The following SP140L variants were observed in gnomAD, a reference collection of about 807,000 sequenced individuals.
The protein encoded by SP140L is nuclear body protein SP140-like protein.
A neutral mutation model predicts 84.3 loss-of-function variants in SP140L; 64 were observed. The ratio of observed to expected loss-of-function variants is 0.76; its 90% CI spans 0.62 to 0.94. The LOEUF is 0.94. SP140L is among the 40% of genes least tolerant of loss of function. The pLI is 0.00. For synonymous variants in SP140L, 242 were observed against 236.9 expected (o/e 1.02, Z -0.20); for missense variants, 628 against 692.5 (o/e 0.91, Z 1.05).
chr2:230,399,325 G>A (rs12472467), intron 14 of SP140L, among the ~76,000 whole-genome samples: 24,909 of 152,172 alleles, frequency 0.16, 2,238 homozygotes, highest in South Asian at 0.36. Context: ...TGAGACTTGT[G>A]AGAAATGGAG....
chr2:230,388,557 A>C lies in SP140L; in HGVS notation c.785-2A>C. On this transcript the variant is annotated splice_acceptor_variant, in intron 9 of 18. Transcript: ENST00000415673. LOFTEE classifies it high-confidence loss of function. ...TGTGATTTTATTATTCTACTTTCTC[A>C]GGGAGAAAGAGAGGCAAACCTGGAA... 1 of 1,603,300 alleles carries C rather than the reference A, an allele frequency of 6.2e-7. No individual in the cohort carries two copies. Among genetic ancestry groups the C allele is most frequent in the Non-Finnish European group, 8.5e-7 (1 of 1,175,822 alleles).
chr2:230,342,198 G>C (rs754182036), intron 2 of SP140L: 1 of 161,666 alleles, frequency 6.2e-6, no homozygotes, highest in Admixed American at 6.5e-5. Context: ...CTCGTGGTGC[G>C]CCGTTTTTTA....
At chr2:230,332,555 T>C (rs145770465) in intron 2 of SP140L, among the ~76,000 whole-genome samples, 85 of 152,374 alleles carry the variant, frequency 5.6e-4, no homozygotes, top group African/African-American at 2.0e-3. Flanking sequence ...GGTTCATCAG[T>C]AATCAGTGTT....
At position 230,359,041 on chromosome 2, in the gene SP140L, ATTTAAC is replaced by A; in HGVS notation, c.349_354del (p.Phe117_Asn118del). On this transcript the variant is annotated inframe_deletion, in exon 4 of 19. Transcript: ENST00000415673. ...ATGTTCTCAGTGAACTGGAGAAGAC[ATTTAAC>A]CTGTCAGTTTTGGAAGCACTGTTCA... 1 of 1,613,908 alleles carries A rather than the reference ATTTAAC, an allele frequency of 6.2e-7. No homozygotes were observed. Among genetic ancestry groups the A allele is most frequent in the South Asian group, 1.1e-5 (1 of 91,064 alleles).
chr2:230,400,784 A>G, intron 15 of SP140L, 171 bp from the exon 16 acceptor site: 2 of 1,469,626 alleles, frequency 1.4e-6, no homozygotes, highest in Non-Finnish European at 1.9e-6. Context: ...TGCGAGGGAA[A>G]GGCCAGTGGC....
intron 5 of SP140L, among the ~76,000 whole-genome samples, chr2:230,370,343 T>C (rs1575493994): frequency 6.6e-6 from 1 of 151,668 alleles, no homozygotes; most frequent in Admixed American, 6.6e-5. Context: ...TGTCTAGAGG[T>C]CACCCGAGGA....
chr2:230,387,693 T>G (rs537283495), intron 9 of SP140L, among the ~76,000 whole-genome samples: 1 of 152,210 alleles, frequency 6.6e-6, no homozygotes, highest in East Asian at 1.9e-4. Flanking sequence ...CTTTGGAAAA[T>G]AAAACACATT....
chr2:230,333,501 G>A (rs2059783455), intron 2 of SP140L, among the ~76,000 whole-genome samples: 1 of 151,972 alleles, frequency 6.6e-6, no homozygotes, highest in Non-Finnish European at 1.5e-5. Context: ...CACCTGTTTT[G>A]CCTCTCTGAA....
At chr2:230,394,434 C>G (rs571011381) in intron 13 of SP140L, among the ~76,000 whole-genome samples, 16 of 152,226 alleles carry the variant, frequency 1.1e-4, no homozygotes, top group Non-Finnish European at 2.1e-4. Context: ...CACTGGGAAC[C>G]TGAGATCCAG....
At chr2:230,402,031 CCCCCACCTG>C (rs2062365430) in intron 18 of SP140L, among the ~76,000 whole-genome samples, 1 of 152,232 alleles carries the variant, frequency 6.6e-6, no homozygotes, top group African/African-American at 2.4e-5. Context: ...GAGAGCTCCT[CCCCCACCTG>C]CCCCAGAGGA....
intron 2 of SP140L, among the ~76,000 whole-genome samples, chr2:230,333,904 T>C (rs542382716): frequency 4.6e-5 from 7 of 152,322 alleles, no homozygotes; most frequent in African/African-American, 1.7e-4. Context: ...AAGTTGTTTC[T>C]CGTTTATAGC....
chr2:230,359,080 C>A lies in SP140L; in HGVS notation c.387C>A (p.Val129=), dbSNP rs748158594. ...TTTTGGAAGCACTGTTCAGCGAGGTCAACATGCAGGAATACCCCGATTTAA... is the reference window on the plus strand; with the variant it reads ...TTTTGGAAGCACTGTTCAGCGAGGTAAACATGCAGGAATACCCCGATTTAA... ...LSVLEALFSE[V]NMQEYPDLIH... The change falls in exon 4 of 19, where the codon GTC becomes GTA. Residue 129 remains valine, a synonymous_variant. Coordinates refer to ENST00000415673, the MANE Select transcript of SP140L (RefSeq NM_138402.6). 1.9e-6 allele frequency: 3 copies of A among 1,612,678 alleles called. No homozygotes were observed. Among genetic ancestry groups the A allele is most frequent in the South Asian group, 2.2e-5 (2 of 90,796 alleles).
chr2:230,392,935 A>T (rs547743966), intron 12 of SP140L, among the ~76,000 whole-genome samples: 28 of 152,294 alleles, frequency 1.8e-4, no homozygotes, highest in African/African-American at 6.5e-4. Flanking sequence ...CTGAGCCCCT[A>T]CTAATGCCCT....
At chr2:230,365,958 C>G (rs894749884) in intron 5 of SP140L, among the ~76,000 whole-genome samples, 1 of 152,022 alleles carries the variant, frequency 6.6e-6, no homozygotes, top group South Asian at 2.1e-4. Context: ...TTATTGATTT[C>G]TACTTTTATA....
chr2:230,389,723 T>G (rs725201), intron 10 of SP140L, among the ~76,000 whole-genome samples, 196 bp from the exon 11 acceptor site: 65,225 of 152,060 alleles, frequency 0.43, 14,180 homozygotes, highest in Middle Eastern at 0.49. Context: ...TCTGTGAAAT[T>G]TGAAAGGTGA....
At chr2:230,369,214 G>A (rs2060977745) in intron 5 of SP140L, among the ~76,000 whole-genome samples, 1 of 152,230 alleles carries the variant, frequency 6.6e-6, no homozygotes, top group African/African-American at 2.4e-5. Flanking sequence ...GGTCTATGCT[G>A]GGGCAGGCCT....
At chr2:230,380,883 G>A (rs2061382107) in intron 7 of SP140L, among the ~76,000 whole-genome samples, 1 of 152,048 alleles carries the variant, frequency 6.6e-6, no homozygotes. Flanking sequence ...CCTGATGAAC[G>A]TCACCTCAAG....
chr2:230,358,934 T>C, intron 3 of SP140L, 30 bp from the exon 4 acceptor site: 1 of 1,536,652 alleles, frequency 6.5e-7, no homozygotes, highest in Non-Finnish European at 8.7e-7. Context: ...AAGTCTGTAT[T>C]TGTATTTTCT....
chr2:230,350,607 A>G (rs2060335481), intron 2 of SP140L, among the ~76,000 whole-genome samples: 1 of 152,244 alleles, frequency 6.6e-6, no homozygotes, highest in Non-Finnish European at 1.5e-5. Flanking sequence ...CCCTTATGGC[A>G]TACATATTTT....
Sources: gnomAD v4.1 joint callset for allele counts (sites outside exome capture counted in the v4.1 genomes callset) on GRCh38, gnomAD v4.1.1 for gene constraint, MANE v1.5 for transcripts, NCBI Gene and HGNC (gene_info 2026-07-23, HGNC 2026-07-21) for gene names.